MAF: variants seen among roughly 807,000 people sequenced by gnomAD.
MAF encodes the protein MAF bZIP transcription factor.
In MAF, 10 loss-of-function variants were observed where a neutral mutation model predicts 22.0. The ratio of observed to expected loss-of-function variants is 0.45; its 90% CI spans 0.28 to 0.77. The LOEUF is 0.77. Ranked by LOEUF, MAF falls within the 30% of genes least tolerant of loss-of-function variation. MAF has a pLI of 0.12. For synonymous variants in MAF, 337 were observed against 255.8 expected (o/e 1.32, Z -3.03); for missense variants, 544 against 548.4 (o/e 0.99, Z 0.08).
chr16:79,446,731 G>A, the MAF span, among the ~76,000 whole-genome samples: 1 of 139,060 alleles, frequency 7.2e-6, no homozygotes, highest in Non-Finnish European at 1.6e-5. Flanking sequence ...GGGCAGCACA[G>A]TGAGACACCC....
At chr16:79,590,288 C>T (rs1004707506), downstream of MAF, among the ~76,000 whole-genome samples, 8 of 152,190 alleles carry the variant, frequency 5.3e-5, no homozygotes, top group Admixed American at 5.2e-4. Flanking sequence ...TCCTCTCTGC[C>T]TACATCTCCT....
the MAF span, among the ~76,000 whole-genome samples, chr16:79,559,992 C>T: frequency 2.6e-5 from 4 of 152,178 alleles, no homozygotes; most frequent in African/African-American, 9.7e-5. Context: ...CAGCTGTGAA[C>T]CTCTGGGGCT....
the MAF span, among the ~76,000 whole-genome samples, chr16:79,374,448 CT>C: frequency 1.3e-5 from 2 of 152,212 alleles, no homozygotes; most frequent in Admixed American, 6.5e-5. Flanking sequence ...CATTTCTCTC[CT>C]GAATTGCGGC....
the MAF span, among the ~76,000 whole-genome samples, chr16:79,516,884 A>G: frequency 6.6e-6 from 1 of 152,130 alleles, no homozygotes; most frequent in Non-Finnish European, 1.5e-5. Context: ...CTTCAACTAC[A>G]TTGTTGTTGC....
the MAF span, among the ~76,000 whole-genome samples, chr16:79,310,650 A>C: frequency 6.6e-6 from 1 of 152,136 alleles, no homozygotes; most frequent in African/African-American, 2.4e-5. Flanking sequence ...CTGGTCACGA[A>C]CTGAGATCCC....
the MAF span, among the ~76,000 whole-genome samples, chr16:79,369,910 C>T: frequency 6.6e-6 from 1 of 152,218 alleles, no homozygotes; most frequent in Non-Finnish European, 1.5e-5. Context: ...AACACCAGGC[C>T]TCCAAATTCT....
chr16:79,374,995 G>C, the MAF span, among the ~76,000 whole-genome samples: 1 of 152,170 alleles, frequency 6.6e-6, no homozygotes, highest in Admixed American at 6.5e-5. Flanking sequence ...TGTGAATAGA[G>C]TGTTAGTTCC....
chr16:79,337,297 C>CA, the MAF span, among the ~76,000 whole-genome samples: 1 of 152,156 alleles, frequency 6.6e-6, no homozygotes, highest in Non-Finnish European at 1.5e-5. Flanking sequence ...AGCAGTCAGG[C>CA]ATGGTGGCTC....
At chr16:79,203,396 G>A in the MAF span, 2 of 152,168 alleles carry the variant, frequency 1.3e-5, no homozygotes, top group Non-Finnish European at 2.9e-5. Flanking sequence ...CTACCTGTGA[G>A]ATCTGAATTA....
At chr16:79,525,096 T>C in the MAF span, among the ~76,000 whole-genome samples, 3 of 152,198 alleles carry the variant, frequency 2.0e-5, no homozygotes, top group African/African-American at 7.2e-5. Flanking sequence ...TCTGAAAATA[T>C]ACCTTCCTTA....
chr16:79,524,437 T>C, the MAF span, among the ~76,000 whole-genome samples: 8 of 152,334 alleles, frequency 5.3e-5, no homozygotes, highest in African/African-American at 1.9e-4. Context: ...GTTGCAATTA[T>C]TCCTGTCTGG....
At chr16:79,360,301 TG>T in the MAF span, among the ~76,000 whole-genome samples, 1 of 152,236 alleles carries the variant, frequency 6.6e-6, no homozygotes, top group South Asian at 2.1e-4. Context: ...GAATCTCACC[TG>T]GCCTTGTTTC....
At chr16:79,510,726 A>G in the MAF span, among the ~76,000 whole-genome samples, 5 of 152,200 alleles carry the variant, frequency 3.3e-5, no homozygotes, top group African/African-American at 7.2e-5. Context: ...GCTCTGCTGT[A>G]GCTGTCTTGA....
At chr16:79,238,459 A>G in the MAF span, among the ~76,000 whole-genome samples, 1 of 152,068 alleles carries the variant, frequency 6.6e-6, no homozygotes, top group East Asian at 1.9e-4. Context: ...ACCACACAGT[A>G]AAGAAAGTGG....
chr16:79,511,581 A>T, the MAF span, among the ~76,000 whole-genome samples: 1 of 152,246 alleles, frequency 6.6e-6, no homozygotes, highest in East Asian at 1.9e-4. Flanking sequence ...GTGCGGTGTT[A>T]CATGCACAAG....
At chr16:79,417,576 G>A in the MAF span, among the ~76,000 whole-genome samples, 1 of 152,130 alleles carries the variant, frequency 6.6e-6, no homozygotes, top group Non-Finnish European at 1.5e-5. Flanking sequence ...ACAGACAACC[G>A]AAGGAGGGAG....
chr16:79,511,821 T>A, the MAF span, among the ~76,000 whole-genome samples: 1,299 of 152,292 alleles, frequency 8.5e-3, 16 homozygotes, highest in African/African-American at 0.029. Context: ...AGAACCAACA[T>A]TGGAATTCAT....
chr16:79,376,985 C>A, the MAF span, among the ~76,000 whole-genome samples: 4 of 152,262 alleles, frequency 2.6e-5, no homozygotes, highest in South Asian at 2.1e-4. Context: ...AATAAACATA[C>A]GTGTGCATGT....
the MAF span, among the ~76,000 whole-genome samples, chr16:79,221,050 G>T: frequency 6.6e-6 from 1 of 152,212 alleles, no homozygotes; most frequent in East Asian, 1.9e-4. Context: ...GCTAAACTTT[G>T]GGTCAGCTCG....
Sources: gnomAD v4.1 joint callset for allele counts (sites outside exome capture counted in the v4.1 genomes callset) on GRCh38, gnomAD v4.1.1 for gene constraint, MANE v1.5 for transcripts, NCBI Gene and HGNC (gene_info 2026-07-23, HGNC 2026-07-21) for gene names.